The following PPP1R1C variants were observed in gnomAD, a reference collection of about 807,000 sequenced individuals.
PPP1R1C encodes protein phosphatase 1 regulatory inhibitor subunit 1C, also known as protein phosphatase 1 regulatory subunit 1C.
Under a neutral mutation model 17.4 loss-of-function variants are expected in PPP1R1C, and 15 were observed. The ratio of observed to expected loss-of-function variants is 0.86; its 90% CI spans 0.58 to 1.33. The LOEUF (loss-of-function observed/expected upper bound fraction) is 1.33. Ranked by LOEUF, PPP1R1C falls within the 40% of genes most tolerant of loss-of-function variation. The pLI is 0.00. For missense variants in PPP1R1C, 143 were observed against 130.0 expected, an observed-to-expected ratio of 1.10 and a Z score of -0.48; for synonymous variants, 35 against 43.1, an observed-to-expected ratio of 0.81 and a Z score of 0.73.
chr2:182,075,320 C>A (rs1688260418), intron 4 of PPP1R1C, among the ~76,000 whole-genome samples: 2 of 152,328 alleles, frequency 1.3e-5, no homozygotes, highest in African/African-American at 4.8e-5. Context: ...ACCCACAAGG[C>A]AACTCATTTC....
intron 2 of PPP1R1C, among the ~76,000 whole-genome samples, chr2:182,005,358 C>T (rs776151202): frequency 3.3e-5 from 5 of 152,206 alleles, no homozygotes; most frequent in Non-Finnish European, 7.3e-5. Flanking sequence ...TCCGCTCTGA[C>T]AACTGCTCCA....
chr2:182,059,235 A>C (rs1254507312), intron 2 of PPP1R1C, among the ~76,000 whole-genome samples: 1 of 152,178 alleles, frequency 6.6e-6, no homozygotes, highest in East Asian at 1.9e-4. Context: ...GTCCTTGAGA[A>C]ATGGAGAAAT....
intron 2 of PPP1R1C, among the ~76,000 whole-genome samples, chr2:182,051,549 C>T (rs1409416622): frequency 6.6e-6 from 1 of 152,112 alleles, no homozygotes; most frequent in African/African-American, 2.4e-5. Flanking sequence ...AACTTTATCA[C>T]CATACTTCAT....
chr2:182,079,083 ACT>A (rs570298291), intron 4 of PPP1R1C, among the ~76,000 whole-genome samples: 55 of 152,296 alleles, frequency 3.6e-4, no homozygotes, highest in African/African-American at 1.3e-3. Flanking sequence ...AATATAGTTG[ACT>A]CTACAGAATT....
Position 182,041,116 on chromosome 2 carries a change from A to G in PPP1R1C, c.143-20326A>G, listed in dbSNP as rs149767476. ...TCCAGATTTGTTCATTTTGCATAGGATTGCTTTGCTCTTCAGGCTCCTTTT... is the reference window on the plus strand; with the variant it reads ...TCCAGATTTGTTCATTTTGCATAGGGTTGCTTTGCTCTTCAGGCTCCTTTT... On this transcript the variant is annotated intron_variant, in intron 2 of 4. Transcript: ENST00000682840. Among the ~76,000 whole-genome samples the G allele has an allele frequency of 6.5e-3, 990 of 152,154 alleles. 9 individuals carry two copies. Among genetic ancestry groups the G allele is most frequent in the Middle Eastern group, 0.031 (9 of 294 alleles).
At chr2:182,040,783 T>G (rs1240427866) in intron 2 of PPP1R1C, among the ~76,000 whole-genome samples, 4 of 152,220 alleles carry the variant, frequency 2.6e-5, no homozygotes, top group Non-Finnish European at 4.4e-5. Context: ...TTTTTATGGC[T>G]TCAGGTCTTA....
At chr2:182,090,360 A>G (rs372990554) in intron 4 of PPP1R1C, among the ~76,000 whole-genome samples, 9 of 151,982 alleles carry the variant, frequency 5.9e-5, no homozygotes, top group East Asian at 3.8e-4. Flanking sequence ...AGAGAGAGAC[A>G]GAAAGAGATG....
At chr2:181,995,564 G>T (rs769994102) in intron 2 of PPP1R1C, among the ~76,000 whole-genome samples, 10 of 152,182 alleles carry the variant, frequency 6.6e-5, no homozygotes, top group African/African-American at 1.4e-4. Context: ...TGACATCATT[G>T]TCAGTTGTTC....
intron 2 of PPP1R1C, among the ~76,000 whole-genome samples, chr2:182,055,875 T>C (rs953945629): frequency 2.2e-4 from 34 of 152,346 alleles, no homozygotes; most frequent in Non-Finnish European, 3.5e-4. Context: ...TAAGCAGCAT[T>C]CCTAAAAAAG....
intron 1 of PPP1R1C, among the ~76,000 whole-genome samples, chr2:181,969,144 A>G (rs1684958748): frequency 6.6e-6 from 1 of 152,136 alleles, no homozygotes; most frequent in South Asian, 2.1e-4. Flanking sequence ...TTTACACACC[A>G]CAATTGCAGT....
chr2:182,075,050 A>G (rs1232410059), intron 4 of PPP1R1C, among the ~76,000 whole-genome samples: 1 of 152,228 alleles, frequency 6.6e-6, no homozygotes, highest in Admixed American at 6.5e-5. Flanking sequence ...GGAAATTGCT[A>G]TGTGCACAAT....
intron 4 of PPP1R1C, among the ~76,000 whole-genome samples, chr2:182,079,691 T>C (rs1038940096): frequency 2.0e-5 from 3 of 152,206 alleles, no homozygotes; most frequent in Non-Finnish European, 4.4e-5. Context: ...ATGTTTCCTC[T>C]CACAGTTGGT....
At position 181,995,392 on chromosome 2, in the gene PPP1R1C, G is replaced by A. The variant is rs941586273; in HGVS notation, c.142+7493G>A. On this transcript the variant is annotated intron_variant, in intron 2 of 4. Transcript: ENST00000682840. The stretch of plus-strand genomic sequence containing the variant: ...GCCTGAGTTTCCTCAGAAAAATAGC[G>A]CATCCTCCTAAGACCCAAGAAGCCA... Among the ~76,000 whole-genome samples the A allele has an allele frequency of 5.3e-5, 8 of 152,098 alleles. No individual in the cohort carries two copies. The East Asian group carries it at 7.7e-4, about 15-fold the overall frequency.
chr2:181,982,071 C>A (rs1685203274), upstream of PPP1R1C, among the ~76,000 whole-genome samples: 1 of 152,126 alleles, frequency 6.6e-6, no homozygotes, highest in African/African-American at 2.4e-5. Flanking sequence ...ATATTTAAAA[C>A]AAAGCCTGGA....
intron 4 of PPP1R1C, among the ~76,000 whole-genome samples, chr2:182,102,128 A>G (rs1374932277): frequency 3.9e-5 from 6 of 152,238 alleles, no homozygotes; most frequent in Non-Finnish European, 7.3e-5. Flanking sequence ...TTTATAAAAA[A>G]TCATTTATGG....
chr2:182,055,882 A>G (rs867942584), intron 2 of PPP1R1C, among the ~76,000 whole-genome samples: 1 of 152,172 alleles, frequency 6.6e-6, no homozygotes. Flanking sequence ...CATTCCTAAA[A>G]AAGAATTTTC....
intron 1 of PPP1R1C, among the ~76,000 whole-genome samples, chr2:181,986,553 T>C (rs1685303194): frequency 1.3e-5 from 2 of 152,240 alleles, no homozygotes; most frequent in African/African-American, 2.4e-5. Flanking sequence ...TTTCATTTTT[T>C]ATAAAATAAA....
chr2:181,989,847 T>C (rs1409203802), intron 2 of PPP1R1C, among the ~76,000 whole-genome samples: 1 of 152,192 alleles, frequency 6.6e-6, no homozygotes, highest in Non-Finnish European at 1.5e-5. Context: ...TAGAATAGTC[T>C]ACAAAGAATT....
Position 182,027,114 on chromosome 2 carries a change from T to A in PPP1R1C, c.143-34328T>A, listed in dbSNP as rs71427824. On this transcript the variant is annotated intron_variant, in intron 2 of 4. Coordinates refer to ENST00000682840, the MANE Select transcript of PPP1R1C (RefSeq NM_001080545.3). ...ATCAGCTTAAGGAGATTTTGGGCTGTGACCATGGGGTTTTCTAGATATACA... is the reference window on the plus strand; with the variant it reads ...ATCAGCTTAAGGAGATTTTGGGCTGAGACCATGGGGTTTTCTAGATATACA... Among the ~76,000 whole-genome samples, 752 of 143,532 alleles carry A rather than the reference T, an allele frequency of 5.2e-3. 4 individuals are homozygous for A. Among genetic ancestry groups the A allele is most frequent in the African/African-American group, 0.019 (702 of 36,314 alleles). The allele number at this position is 143,532 out of a possible 152,430, so 94.2% of individuals were successfully genotyped here. A position where few individuals can be genotyped will look rare whatever the true frequency, so the allele number is the denominator to read the frequency against.
Sources: gnomAD v4.1 joint callset for allele counts (sites outside exome capture counted in the v4.1 genomes callset) on GRCh38, gnomAD v4.1.1 for gene constraint, MANE v1.5 for transcripts, NCBI Gene and HGNC (gene_info 2026-07-23, HGNC 2026-07-21) for gene names.